Variants in SLC8A1 observed in about 807,000 individuals in gnomAD.
SLC8A1 encodes the protein solute carrier family 8 member A1.
In SLC8A1, 18 loss-of-function variants were observed where a neutral mutation model predicts 68.3. That is an observed-to-expected ratio of 0.26 (90% CI 0.18 to 0.39). The LOEUF is 0.39. SLC8A1 is among the 10% of genes least tolerant of loss of function. The probability of loss-of-function intolerance (pLI) is 1.00; values close to 1 mark genes in which losing one functional copy is unlikely to be tolerated. For synonymous variants in SLC8A1, 475 were observed against 415.5 expected, an observed-to-expected ratio of 1.14 and a Z score of -1.74; for missense variants, 985 against 1,156.7, an observed-to-expected ratio of 0.85 and a Z score of 2.15.
chr2:40,180,321 C>T (rs1049550139), intron 2 of SLC8A1, among the ~76,000 whole-genome samples: 7 of 151,976 alleles, frequency 4.6e-5, no homozygotes, highest in Non-Finnish European at 8.8e-5. Context: ...AGAGAAGGCA[C>T]AGGAGGATGG....
chr2:40,427,095 C>T (rs1697067985), intron 2 of SLC8A1, among the ~76,000 whole-genome samples: 1 of 151,970 alleles, frequency 6.6e-6, no homozygotes, highest in South Asian at 2.1e-4. Flanking sequence ...TTAATCAAAA[C>T]ACTTTGCTCC....
At chr2:40,424,607 T>TA (rs1696382170) in intron 2 of SLC8A1, among the ~76,000 whole-genome samples, 1 of 151,834 alleles carries the variant, frequency 6.6e-6, no homozygotes, top group African/African-American at 2.4e-5. Context: ...AAAAATATAA[T>TA]AGTTGTTAAA....
intron 2 of SLC8A1, among the ~76,000 whole-genome samples, chr2:40,211,218 G>A (rs557791677): frequency 6.6e-6 from 1 of 152,312 alleles, no homozygotes; most frequent in South Asian, 2.1e-4. Context: ...ATACTCATGA[G>A]ATCTGAAACT....
chr2:40,284,661 A>AATATATAT (rs5830618), intron 2 of SLC8A1, among the ~76,000 whole-genome samples: 53 of 144,950 alleles, frequency 3.7e-4, no homozygotes, highest in South Asian at 1.7e-3. Context: ...TATAAATATA[A>AATATATAT]ATATATATAT....
At chr2:40,356,076 G>A (rs189908994) in intron 2 of SLC8A1, among the ~76,000 whole-genome samples, 130 of 152,202 alleles carry the variant, frequency 8.5e-4, no homozygotes, top group African/African-American at 3.0e-3. Flanking sequence ...AAATGGAGCT[G>A]AGATGCCTCT....
At chr2:40,350,230 C>T (rs555032710) in intron 2 of SLC8A1, among the ~76,000 whole-genome samples, 6 of 152,150 alleles carry the variant, frequency 3.9e-5, no homozygotes, top group South Asian at 4.1e-4. Flanking sequence ...GCCTACAATC[C>T]CAGCACTTTG....
At chr2:40,168,520 G>T (rs1328696025) in intron 4 of SLC8A1, among the ~76,000 whole-genome samples, 1 of 152,144 alleles carries the variant, frequency 6.6e-6, no homozygotes, top group Non-Finnish European at 1.5e-5. Context: ...CAGTTATACT[G>T]ATAAATTCAC....
chr2:40,182,498 GA>G (rs143210623), intron 2 of SLC8A1, among the ~76,000 whole-genome samples: 3,226 of 152,076 alleles, frequency 0.021, 53 homozygotes, highest in African/African-American at 0.046. Context: ...AAAAGAAAAA[GA>G]AAAAAACATT....
At chr2:40,219,860 C>G (rs2058057092) in intron 2 of SLC8A1, among the ~76,000 whole-genome samples, 1 of 24,802 alleles carries the variant, frequency 4.0e-5, no homozygotes, top group Non-Finnish European at 1.4e-4. Flanking sequence ...TCCAACAGAG[C>G]CTCCCTACTA....
intron 2 of SLC8A1, among the ~76,000 whole-genome samples, chr2:40,181,404 A>T (rs1435661369): frequency 6.6e-6 from 1 of 152,260 alleles, no homozygotes; most frequent in Admixed American, 6.5e-5. Context: ...AAAATTTTGA[A>T]GTACTTGATA....
intron 2 of SLC8A1, among the ~76,000 whole-genome samples, chr2:40,302,953 C>A (rs745540190): frequency 2.6e-5 from 4 of 152,138 alleles, no homozygotes; most frequent in Non-Finnish European, 5.9e-5. Context: ...GCCACAGGAT[C>A]TTGTAAGTCT....
Position 40,209,390 on chromosome 2 carries a change from G to A in SLC8A1, c.1809-31535C>T, listed in dbSNP as rs889209939. Among the ~76,000 whole-genome samples the A allele has an allele frequency of 9.9e-5, 15 of 152,252 alleles. No homozygotes were observed. In the South Asian group the frequency reaches 1.7e-3, roughly 17 times the overall value. ...AGGTTTAAGGACATTTCTATGGCTG[G>A]AGAAAAATGATCCTGGAGGAAAGGT... is the stretch of plus-strand genomic sequence containing the variant. On this transcript the variant is annotated intron_variant, in intron 2 of 7. Coordinates refer to ENST00000406785, the Ensembl canonical transcript of SLC8A1.
chr2:40,179,284 C>G (rs1001955710), intron 2 of SLC8A1, among the ~76,000 whole-genome samples: 1 of 152,172 alleles, frequency 6.6e-6, no homozygotes, highest in African/African-American at 2.4e-5. Context: ...ATGAAACATG[C>G]CATTTACACT....
At chr2:40,116,790 C>T (rs999623257) in intron 7 of SLC8A1, 2 of 152,156 alleles carry the variant, frequency 1.3e-5, no homozygotes, top group Non-Finnish European at 2.9e-5. Flanking sequence ...TTTATTTACT[C>T]ATAATCCTGA....
At position 40,151,398 on chromosome 2, in the gene SLC8A1, A is replaced by G. The variant is rs1016750876; in HGVS notation, c.2161+9367T>C. Among the ~76,000 whole-genome samples the G allele has an allele frequency of 4.6e-5, 7 of 152,212 alleles. No homozygotes were observed. In the South Asian group the frequency reaches 1.0e-3, roughly 23 times the overall value. ...TCACAAATAAATGTATTCATTCTTT[A>G]TAAAACAAAGACTTAGCATTGCCAA... is the stretch of plus-strand genomic sequence containing the variant. On this transcript the variant is annotated intron_variant, in intron 6 of 7. Transcript: ENST00000406785.
intron 4 of SLC8A1, among the ~76,000 whole-genome samples, chr2:40,174,326 GTGT>G (rs2048082433): frequency 6.6e-6 from 1 of 152,062 alleles, no homozygotes; most frequent in African/African-American, 2.4e-5. Flanking sequence ...TGGCATTTAT[GTGT>G]TATTAGGATC....
At chr2:40,344,500 G>T (rs1223710087) in intron 2 of SLC8A1, among the ~76,000 whole-genome samples, 1 of 152,148 alleles carries the variant, frequency 6.6e-6, no homozygotes, top group Non-Finnish European at 1.5e-5. Flanking sequence ...TAGTGGCTTT[G>T]GTTCTGGGAA....
At chr2:40,494,640 A>T (rs918623674) in intron 1 of SLC8A1, among the ~76,000 whole-genome samples, 56 of 92,660 alleles carry the variant, frequency 6.0e-4, no homozygotes, top group African/African-American at 2.8e-3. Flanking sequence ...CTTAAAGTAT[A>T]ATATATATAT....
At chr2:40,504,799 A>T (rs1706266124) in intron 1 of SLC8A1, among the ~76,000 whole-genome samples, 1 of 151,974 alleles carries the variant, frequency 6.6e-6, no homozygotes, top group South Asian at 2.1e-4. Flanking sequence ...CACAACAGAC[A>T]GGCAATAACA....
Sources: allele counts gnomAD v4.1 joint callset (sites outside exome capture counted in the v4.1 genomes callset), GRCh38; gene constraint gnomAD v4.1.1; transcripts MANE v1.5; gene names NCBI Gene and HGNC (gene_info 2026-07-23, HGNC 2026-07-21).